Variants in MYO1B observed in about 807,000 individuals in gnomAD.
MYO1B encodes myosin IB.
MYO1B carries 72 observed loss-of-function variants against 159.7 expected under a neutral mutation model. That is an observed-to-expected ratio of 0.45 (90% CI 0.37 to 0.55). The LOEUF (loss-of-function observed/expected upper bound fraction) is 0.55. Ranked by LOEUF, MYO1B falls within the 20% of genes least tolerant of loss-of-function variation. The pLI is 0.00. For missense variants in MYO1B, 1,062 were observed against 1,364.8 expected (o/e 0.78, Z 3.50); for synonymous variants, 468 against 473.8 (o/e 0.99, Z 0.16).
At chr2:191,380,373 T>C (rs1421951277) in intron 13 of MYO1B, among the ~76,000 whole-genome samples, 1 of 152,228 alleles carries the variant, frequency 6.6e-6, no homozygotes, top group Non-Finnish European at 1.5e-5. Flanking sequence ...CCATTACATG[T>C]GGGCTCTCCT....
At chr2:191,282,728 T>G (rs1688137767) in intron 2 of MYO1B, among the ~76,000 whole-genome samples, 1 of 152,204 alleles carries the variant, frequency 6.6e-6, no homozygotes, top group African/African-American at 2.4e-5. Context: ...GGCAGACCTT[T>G]ACCCAGGTAA....
intron 6 of MYO1B, among the ~76,000 whole-genome samples, 190 bp downstream of exon 6, chr2:191,346,472 A>G (rs1692574576): frequency 6.6e-6 from 1 of 152,178 alleles, no homozygotes; most frequent in South Asian, 2.1e-4. Flanking sequence ...TTTTTGGAGT[A>G]ACAAGCAATT....
intron 5 of MYO1B, 29 bp from the exon 6 acceptor site, chr2:191,346,207 T>C: frequency 6.7e-7 from 1 of 1,503,486 alleles, no homozygotes; most frequent in Non-Finnish European, 9.0e-7. Flanking sequence ...ATTATTTTTT[T>C]AACCATACAT....
chr2:191,416,237 C>T lies in MYO1B; in HGVS notation c.3282C>T (p.Ser1094=), dbSNP rs77425838. The change falls in exon 30 of 31, where the codon TCC becomes TCT. Residue 1094 remains serine, a synonymous_variant. Transcript: ENST00000392318. ...AACAGAAGCTCAATATTGAGATTTC[C>T]GATGAGTACGTTCATGTATTGTTTG... ...QTKQKLNIEI[S]DEFLVQFRQD... 8.0e-4 allele frequency: 1,298 copies of T among 1,614,084 alleles called. 5 individuals are homozygous for T. In the African/African-American group the frequency reaches 0.014, roughly 18 times the overall value.
intron 2 of MYO1B, among the ~76,000 whole-genome samples, chr2:191,284,857 C>T (rs1688273100): frequency 6.6e-6 from 1 of 152,104 alleles, no homozygotes; most frequent in South Asian, 2.1e-4. Context: ...TGGTCTTGAA[C>T]TCCTGGCCTC....
At chr2:191,417,615 G>A (rs541544279) in intron 30 of MYO1B, among the ~76,000 whole-genome samples, 23 of 152,104 alleles carry the variant, frequency 1.5e-4, no homozygotes, top group Non-Finnish European at 2.5e-4. Flanking sequence ...ACACAGAAAG[G>A]AAATCACACC....
At chr2:191,256,562 A>G (rs1686463171) in intron 1 of MYO1B, among the ~76,000 whole-genome samples, 1 of 152,172 alleles carries the variant, frequency 6.6e-6, no homozygotes, top group Admixed American at 6.5e-5. Flanking sequence ...CCTTTGGAAA[A>G]TATGGGGAGA....
intron 18 of MYO1B, among the ~76,000 whole-genome samples, chr2:191,391,862 A>G (rs1009510425): frequency 7.2e-5 from 11 of 152,252 alleles, no homozygotes; most frequent in African/African-American, 2.7e-4. Context: ...AATGAAATCA[A>G]GAAATTGGCT....
chr2:191,313,224 T>TTTTTTTTTTTTTTTTTTTTTTTC (rs1690126545), intron 3 of MYO1B, among the ~76,000 whole-genome samples: 1 of 80,986 alleles, frequency 1.2e-5, no homozygotes, highest in Non-Finnish European at 2.6e-5. Flanking sequence ...TTTTTTTTTT[T>TTTTTTTTTTTTTTTTTTTTTTTC]TTTGAGACGG....
chr2:191,391,664 C>G (rs1284097145), intron 18 of MYO1B, among the ~76,000 whole-genome samples: 2 of 152,302 alleles, frequency 1.3e-5, no homozygotes, highest in East Asian at 3.9e-4. Flanking sequence ...GCCCACGTTC[C>G]TTAGCGTCCC....
At position 191,392,194 on chromosome 2, in the gene MYO1B, CAAG is replaced by C; in HGVS notation, c.2072_2074del (p.Arg691del). On this transcript the variant is annotated inframe_deletion, in exon 19 of 31. Transcript: ENST00000392318. The stretch of plus-strand genomic sequence containing the variant: ...AGATCAAAGATATTCATCCGAAACC[CAAG>C]AACAGTATGTAACGAAAACCTTTAC... The C allele has an allele frequency of 6.2e-7, 1 of 1,602,150 alleles. No individual in the cohort carries two copies. Among genetic ancestry groups the C allele is most frequent in the Non-Finnish European group, 8.5e-7 (1 of 1,171,570 alleles).
At chr2:191,354,021 G>A (rs1693096680) in intron 7 of MYO1B, among the ~76,000 whole-genome samples, 2 of 152,108 alleles carry the variant, frequency 1.3e-5, no homozygotes, top group Admixed American at 1.3e-4. Context: ...ACTTTGGGAG[G>A]CCGAGGCAGG....
intron 20 of MYO1B, among the ~76,000 whole-genome samples, chr2:191,396,014 AG>A (rs1339767977): frequency 1.3e-5 from 2 of 152,196 alleles, no homozygotes; most frequent in Non-Finnish European, 2.9e-5. Flanking sequence ...AAAAGAAACT[AG>A]GGAGGTTTAG....
intron 13 of MYO1B, 78 bp from the exon 14 acceptor site, chr2:191,381,384 T>G: frequency 1.0e-6 from 1 of 998,432 alleles, no homozygotes; most frequent in Non-Finnish European, 1.6e-6. Context: ...TTCTCATGGA[T>G]TGAGATGTCT....
intron 2 of MYO1B, among the ~76,000 whole-genome samples, chr2:191,285,467 G>A (rs1396910239): frequency 1.3e-5 from 2 of 152,150 alleles, no homozygotes; most frequent in East Asian, 1.9e-4. Flanking sequence ...TTTGCGGGAC[G>A]TCCTGGCCTC....
chr2:191,402,443 A>C, intron 23 of MYO1B, 189 bp from the exon 24 acceptor site: 1 of 590,366 alleles, frequency 1.7e-6, no homozygotes, highest in East Asian at 2.9e-5. Context: ...ATCTCAGTGC[A>C]CTGAAAATAT....
intron 21 of MYO1B, among the ~76,000 whole-genome samples, chr2:191,398,654 C>T (rs1359677794): frequency 1.3e-5 from 2 of 151,556 alleles, no homozygotes; most frequent in African/African-American, 2.4e-5. Context: ...AGGCGCTCCC[C>T]ACTCAGATGA....
At chr2:191,377,616 G>A (rs1694790111) in intron 13 of MYO1B, 3 of 151,944 alleles carry the variant, frequency 2.0e-5, no homozygotes, top group African/African-American at 7.3e-5. Context: ...TGAAGGAGAG[G>A]GGGCCCAAGT....
intron 30 of MYO1B, among the ~76,000 whole-genome samples, chr2:191,422,635 A>C (rs1025978775): frequency 1.3e-5 from 2 of 152,214 alleles, no homozygotes; most frequent in Admixed American, 6.5e-5. Flanking sequence ...TCTGTAGGTC[A>C]CTATTATTTT....
Sources: gnomAD v4.1 joint callset for allele counts (sites outside exome capture counted in the v4.1 genomes callset) on GRCh38, gnomAD v4.1.1 for gene constraint, MANE v1.5 for transcripts, NCBI Gene and HGNC (gene_info 2026-07-23, HGNC 2026-07-21) for gene names.